The following FRMD4B variants were observed in gnomAD, a reference collection of about 807,000 sequenced individuals.
The protein encoded by FRMD4B is FERM domain-containing protein 4B.
In FRMD4B, 74 loss-of-function variants were observed where a neutral mutation model predicts 141.5. The observed-to-expected ratio is 0.52, with a 90% CI of 0.43 to 0.63. The LOEUF (loss-of-function observed/expected upper bound fraction) is 0.63, where lower values mean the gene tolerates loss of function less well. FRMD4B is among the 30% of genes least tolerant of loss of function. The probability of loss-of-function intolerance (pLI) is 0.00; values close to 1 mark genes in which losing one functional copy is unlikely to be tolerated. For synonymous variants in FRMD4B, 506 were observed against 467.9 expected (o/e 1.08, Z -1.05); for missense variants, 1,366 against 1,253.4 (o/e 1.09, Z -1.36).
At position 69,385,925 on chromosome 3, in the gene FRMD4B, T is replaced by C. The variant is rs1435921783; in HGVS notation, c.65A>G (p.Asn22Ser). Residue 22 changes from asparagine to serine, a missense_variant, in exon 1 of 23, where the codon AAC becomes AGC. Physicochemically the swap from Asn to Ser is conservative, Grantham distance 46. Transcript: ENST00000398540. The stretch of plus-strand genomic sequence containing the variant: ...TCTCCGCAGCGTGGACACGGTCAAG[T>C]TCCATACGAAGCGGCTGCCGCTGAA... Reference protein sequence around the residue: ...LLFSGSRFVWNLTVSTLRRWY... With the variant: ...LLFSGSRFVWSLTVSTLRRWY... 6.2e-7 allele frequency: 1 copy of C among 1,604,978 alleles called. No homozygotes were observed. The highest frequency in any genetic ancestry group is 1.3e-5 in the African/African-American group (1 of 74,566).
intron 4 of FRMD4B, among the ~76,000 whole-genome samples, chr3:69,296,812 C>T (rs1701049527): frequency 6.6e-6 from 1 of 152,064 alleles, no homozygotes; most frequent in Non-Finnish European, 1.5e-5. Flanking sequence ...CCTCTTATCG[C>T]TTTTCACAAC....
intron 11 of FRMD4B, among the ~76,000 whole-genome samples, chr3:69,212,602 C>T (rs566017769): frequency 2.6e-5 from 4 of 151,962 alleles, no homozygotes; most frequent in East Asian, 1.9e-4. Context: ...AAACTGTGAA[C>T]GTAAAGAAAG....
At chr3:69,484,214 G>T (rs1306277644) in intron 1 of FRMD4B, among the ~76,000 whole-genome samples, 3 of 152,162 alleles carry the variant, frequency 2.0e-5, no homozygotes, top group Admixed American at 6.5e-5. Context: ...ACAGAAGAAT[G>T]ATTTAACAGT....
At chr3:69,269,567 G>T (rs956978420) in intron 5 of FRMD4B, among the ~76,000 whole-genome samples, 6 of 152,128 alleles carry the variant, frequency 3.9e-5, no homozygotes, top group Admixed American at 2.6e-4. Flanking sequence ...CTCTCCAAGG[G>T]GTGTATAAAC....
chr3:69,195,702 T>C (rs1412375609), intron 14 of FRMD4B, among the ~76,000 whole-genome samples: 1 of 57,932 alleles, frequency 1.7e-5, no homozygotes, highest in African/African-American at 5.5e-5. Flanking sequence ...TCAAGTGTTC[T>C]TTTAAAAAGT....
chr3:69,464,134 A>T (rs1705747008), intron 1 of FRMD4B, among the ~76,000 whole-genome samples: 1 of 152,240 alleles, frequency 6.6e-6, no homozygotes, highest in African/African-American at 2.4e-5. Context: ...CTGAGGTTAT[A>T]GCAGCAACTA....
chr3:69,210,954 A>C (rs1017917500), intron 11 of FRMD4B, among the ~76,000 whole-genome samples: 3 of 143,472 alleles, frequency 2.1e-5, no homozygotes, highest in African/African-American at 7.7e-5. Context: ...CAGGGGTTGC[A>C]GTGAGCTGAG....
upstream of FRMD4B, among the ~76,000 whole-genome samples, chr3:69,390,332 C>T (rs559621445): frequency 6.6e-6 from 1 of 152,158 alleles, no homozygotes; most frequent in Non-Finnish European, 1.5e-5. Context: ...GGACGTCCAA[C>T]ATAGGGCTTG....
chr3:69,469,171 A>G (rs1349066844), intron 1 of FRMD4B, among the ~76,000 whole-genome samples: 1 of 152,174 alleles, frequency 6.6e-6, no homozygotes, highest in Non-Finnish European at 1.5e-5. Context: ...TGTAGTTGTT[A>G]TTCTGGGTGG....
At chr3:69,253,370 A>G (rs940219776) in intron 5 of FRMD4B, among the ~76,000 whole-genome samples, 7 of 152,020 alleles carry the variant, frequency 4.6e-5, no homozygotes, top group Non-Finnish European at 8.8e-5. Context: ...CTCCAAAGGT[A>G]TGTTTTTGGT....
rs551744062 is a variant in FRMD4B at position 69,242,942 on chromosome 3, C to T, written c.581+6284G>A. Among the ~76,000 whole-genome samples the T allele has an allele frequency of 1.6e-4, 23 of 143,948 alleles. No homozygotes were observed. In the South Asian group the frequency reaches 2.0e-3, roughly 12 times the overall value. 94.4% of individuals were successfully genotyped at this position (143,948 alleles called of 152,430 possible). A position where few individuals can be genotyped will look rare whatever the true frequency, so the allele number is the denominator to read the frequency against. On this transcript the variant is annotated intron_variant, in intron 7 of 22. Transcript: ENST00000398540. ...CCGGATAGCAGAGGGTGCAGTGAGC[C>T]GAGATCGCACTACTGCACTCCAGCC...
chr3:69,202,926 A>G (rs1190334827), intron 11 of FRMD4B, among the ~76,000 whole-genome samples: 11 of 152,020 alleles, frequency 7.2e-5, no homozygotes, highest in Admixed American at 7.2e-4. Context: ...TTACAACAGG[A>G]GGAGAATATC....
intron 1 of FRMD4B, among the ~76,000 whole-genome samples, chr3:69,444,516 G>A (rs1705384401): frequency 6.6e-6 from 1 of 152,082 alleles, no homozygotes; most frequent in African/African-American, 2.4e-5. Context: ...AGTTATAAAA[G>A]TGCATTCCAG....
chr3:69,355,028 A>T lies in FRMD4B; in HGVS notation c.162+30800T>A, dbSNP rs28626754. 1.7e-4 allele frequency among the ~76,000 whole-genome samples: 10 copies of T among 57,750 alleles called. No individual in the cohort carries two copies. In the African/African-American group the frequency reaches 2.4e-3, roughly 14 times the overall value. 37.9% of individuals were successfully genotyped at this position (57,750 alleles called of 152,430 possible). A position where few individuals can be genotyped will look rare whatever the true frequency, so the allele number is the denominator to read the frequency against. On this transcript the variant is annotated intron_variant, in intron 1 of 22. Transcript: ENST00000398540. ...TACTTGTAGGATAAATGGAAAAAGGAAAAAAAAAAAAGCTGGGCAATGATA... is the reference window on the plus strand; with the variant it reads ...TACTTGTAGGATAAATGGAAAAAGGTAAAAAAAAAAAGCTGGGCAATGATA...
At chr3:69,444,155 T>A (rs963438480) in intron 1 of FRMD4B, among the ~76,000 whole-genome samples, 2 of 152,064 alleles carry the variant, frequency 1.3e-5, no homozygotes, top group Non-Finnish European at 2.9e-5. Flanking sequence ...CACCAAACTA[T>A]CCTTGAAAAA....
intron 2 of FRMD4B, among the ~76,000 whole-genome samples, chr3:69,409,566 G>A (rs555380332): frequency 8.5e-5 from 13 of 152,212 alleles, no homozygotes; most frequent in African/African-American, 3.1e-4. Context: ...GAAAAATCTC[G>A]ATTTTTATAC....
chr3:69,174,217 C>G (rs1245383012), intron 22 of FRMD4B, among the ~76,000 whole-genome samples: 1 of 151,170 alleles, frequency 6.6e-6, no homozygotes, highest in African/African-American at 2.4e-5. Flanking sequence ...AAAAAAACTT[C>G]AAAAAATGAG....
At position 69,467,925 on chromosome 3, in the gene FRMD4B, C is replaced by T. The variant is rs539409096; in HGVS notation, c.-128-35164G>A. 3.3e-4 allele frequency among the ~76,000 whole-genome samples: 50 copies of T among 152,160 alleles called. 1 individual carries two copies. Among genetic ancestry groups the T allele is most frequent in the Non-Finnish European group, 2.1e-4 (14 of 68,024 alleles). On this transcript the variant is annotated intron_variant, in intron 1 of 5. Coordinates refer to the FRMD4B transcript ENST00000459638. ...GGAACTGTTGACCAATGTGGAAAAA[C>T]GCAGAGCCAAGGGATACACTCACCT...
intron 11 of FRMD4B, among the ~76,000 whole-genome samples, chr3:69,209,818 C>T (rs2107701500): frequency 6.6e-6 from 1 of 152,306 alleles, no homozygotes; most frequent in South Asian, 2.1e-4. Context: ...GAGAACAACC[C>T]ATGTTCTCTT....
Sources: allele counts gnomAD v4.1 joint callset (sites outside exome capture counted in the v4.1 genomes callset), GRCh38; gene constraint gnomAD v4.1.1; transcripts MANE v1.5; gene names NCBI Gene and HGNC (gene_info 2026-07-23, HGNC 2026-07-21).